KRI1: variants seen among roughly 807,000 people sequenced by gnomAD.
KRI1 encodes KRI1 homolog.
In KRI1, 83 loss-of-function variants were observed where a neutral mutation model predicts 97.0. The observed-to-expected ratio is 0.86, with a 90% CI of 0.72 to 1.03. The LOEUF (loss-of-function observed/expected upper bound fraction) is 1.03, where lower values mean the gene tolerates loss of function less well. Among genes scored for constraint, KRI1 ranks in the 50% least tolerant of loss-of-function variants. KRI1 has a pLI of 0.00. For synonymous variants in KRI1, 371 were observed against 363.5 expected (o/e 1.02, Z -0.23); for missense variants, 916 against 928.4 (o/e 0.99, Z 0.17).
At position 10,560,370 on chromosome 19, in the gene KRI1, G is replaced by A. The variant is rs775024147; in HGVS notation, c.742C>T (p.Arg248Cys). The A allele has an allele frequency of 1.4e-5, 23 of 1,613,106 alleles. No homozygotes were observed. The highest frequency in any genetic ancestry group is 2.2e-5 in the East Asian group (1 of 44,878). ...TCCTCCTCTTCCTCCTCCTCATAGC[G>A]TTTGTTGAGGATGTAATCCCGCAGG... ...RFLRDYILNK[R>C]YEEEEEEEED... The change falls in exon 9 of 19, where the codon CGC (arginine) becomes TGC (cysteine). Residue 248 changes from arginine (R) to cysteine (C), a missense_variant. Physicochemically the swap from Arg to Cys is radical, Grantham distance 180. Transcript: ENST00000312962.
chr19:10,561,230 T>C lies in KRI1; in HGVS notation c.524A>G (p.Asp175Gly), dbSNP rs1191040642. ...ACTGGAGCCGCCCTCCCCAGCGCCG[T>C]CCTCGTCCTCACTGTCCTCCACAAA... is the stretch of plus-strand genomic sequence containing the variant. ...RAFVEDSEDE[D>G]GAGEGGSSLL... Residue 175 changes from aspartate to glycine, a missense_variant, in exon 7 of 19, where the codon GAC (aspartate) becomes GGC (glycine). Asp to Gly is a moderately conservative substitution (Grantham distance 94). This residue lies in a region of KRI1 where 71 missense variants were observed against 108.1 expected (regional missense o/e 0.66). Coordinates refer to ENST00000312962, the MANE Select transcript of KRI1 (RefSeq NM_023008.5). The C allele has an allele frequency of 6.2e-7, 1 of 1,613,906 alleles. No homozygotes were observed. The highest frequency in any genetic ancestry group is 8.5e-7 in the Non-Finnish European group (1 of 1,180,018).
chr19:10,553,721 A>G lies in KRI1; in HGVS notation c.*230T>C. 1.9e-6 allele frequency: 1 copy of G among 514,874 alleles called. No individual in the cohort carries two copies. The highest frequency in any genetic ancestry group is 3.3e-5 in the East Asian group (1 of 30,516). 31.9% of individuals were successfully genotyped at this position (514,874 alleles called of 1,614,324 possible). The stretch of plus-strand genomic sequence containing the variant: ...CTCCTGAGTAGCTGGGACTACAGGC[A>G]TGTGTCACCACATTTTGTAGAGATG... On this transcript the variant is annotated 3_prime_UTR_variant, in exon 19 of 19. Transcript: ENST00000312962.
chr19:10,565,456 G>A (rs1049800003), intron 2 of KRI1: 37 of 556,290 alleles, frequency 6.7e-5, no homozygotes, highest in Non-Finnish European at 9.4e-5. Flanking sequence ...AGAGGAAAGG[G>A]GGGGTTCTTG....
Position 10,558,258 on chromosome 19 carries a change from C to T in KRI1, c.1195-19G>A, listed in dbSNP as rs771152897. On this transcript the variant is annotated intron_variant, in intron 12 of 18. Coordinates refer to ENST00000312962, the MANE Select transcript of KRI1 (RefSeq NM_023008.5). ...AGCACTTCTGCAGGGTCAGGGCTGG[C>T]GGTTACCAGAGCCCACTCGAGACAT... 6 of 1,613,300 alleles carry T rather than the reference C, an allele frequency of 3.7e-6. No homozygotes were observed. The highest frequency in any genetic ancestry group is 1.7e-4 in the Middle Eastern group (1 of 6,060).
Position 10,554,156 on chromosome 19 carries a change from G to T in KRI1, c.1907C>A (p.Ala636Asp). ...TGGCTTCTTGTGGGGTGATACAGGG[G>T]CTTCCTCTTCCTGTGCTGGGGGACT... ...PESPPAQEEE[A>D]PVSPHKKPAP... is the part of the protein sequence containing the mutation. Residue 636 changes from alanine (A) to aspartate (D), a missense_variant, in exon 19 of 19, where the codon GCC (alanine) becomes GAC (aspartate). Ala to Asp is a moderately radical substitution (Grantham distance 126, BLOSUM62 -2). Around this residue, in one of 3 missense-constraint regions of KRI1, gnomAD observed 672 missense variants for 667.2 expected, o/e 1.01. Coordinates refer to ENST00000312962, the MANE Select transcript of KRI1 (RefSeq NM_023008.5). 2 of 1,613,954 alleles carry T rather than the reference G, an allele frequency of 1.2e-6. No homozygotes were observed. The highest frequency in any genetic ancestry group is 1.3e-5 in the African/African-American group (1 of 75,034).
chr19:10,563,336 G>A (rs1352608324), intron 3 of KRI1, among the ~76,000 whole-genome samples: 5 of 149,262 alleles, frequency 3.3e-5, no homozygotes, highest in Admixed American at 2.0e-4. Flanking sequence ...GATTACAGGC[G>A]TGAGCCACCG....
intron 16 of KRI1, 23 bp downstream of exon 16, chr19:10,557,529 C>A: frequency 6.2e-7 from 1 of 1,609,510 alleles, no homozygotes; most frequent in Non-Finnish European, 8.5e-7. Context: ...CCTGCAGTGT[C>A]CCTGCCTGCC....
intron 4 of KRI1, among the ~76,000 whole-genome samples, chr19:10,562,451 G>A (rs1303719776): frequency 6.6e-6 from 1 of 151,970 alleles, no homozygotes; most frequent in African/African-American, 2.4e-5. Flanking sequence ...CAATCCTCCT[G>A]CCTCAGCCTC....
intron 9 of KRI1, 97 bp downstream of exon 9, chr19:10,560,215 A>G: frequency 6.9e-7 from 1 of 1,456,338 alleles, no homozygotes; most frequent in East Asian, 2.4e-5. Context: ...TGAAAAAAAT[A>G]CACACATGGT....
intron 12 of KRI1, among the ~76,000 whole-genome samples, chr19:10,558,854 G>A (rs965801038): frequency 4.7e-5 from 7 of 150,444 alleles, no homozygotes; most frequent in South Asian, 2.1e-4. Context: ...AGAGGTGCAC[G>A]CCACTACACC....
chr19:10,560,946 T>G (rs761325319), intron 8 of KRI1, 57 bp downstream of exon 8: 2 of 1,327,794 alleles, frequency 1.5e-6, no homozygotes, highest in South Asian at 1.2e-5. Flanking sequence ...TGTAAATAGG[T>G]TGGATGGACG....
chr19:10,558,498 C>CT (rs1916590746), intron 12 of KRI1, among the ~76,000 whole-genome samples: 1 of 152,132 alleles, frequency 6.6e-6, no homozygotes, highest in African/African-American at 2.4e-5. Context: ...TCCTACCCAC[C>CT]TTCGCCCCTG....
rs1049377139 is a variant in KRI1 at position 10,559,885 on chromosome 19, C to T, written c.852G>A (p.Gly284=). Residue 284 remains glycine, a synonymous_variant, in exon 10 of 19, where the codon GGG becomes GGA. Coordinates refer to ENST00000312962, the MANE Select transcript of KRI1 (RefSeq NM_023008.5). ...CCTCCTGTTTCTTCAGAAACAGCTC[C>T]CCTTCGTCTGAGGAGTCGTCCACAG... ...QLAVDDSSDE[G]ELFLKKQEDF... 4 of 1,613,596 alleles carry T rather than the reference C, an allele frequency of 2.5e-6. No individual in the cohort carries two copies. The highest frequency in any genetic ancestry group is 2.7e-5 in the African/African-American group (2 of 75,040).
intron 8 of KRI1, 99 bp from the exon 9 acceptor site, chr19:10,560,547 T>C (rs1916664149): frequency 1.2e-6 from 1 of 845,394 alleles, no homozygotes; most frequent in African/African-American, 1.7e-5. Context: ...CTGGAGTAGG[T>C]GACATTAGCC....
In KRI1 at chr19:10,557,908, A is replaced by ATCTGC. The variant is rs1468631647; in HGVS notation, c.1360-14_1360-13insGCAGA. 1.2e-6 allele frequency: 2 copies of ATCTGC among 1,613,642 alleles called. No individual in the cohort carries two copies. The highest frequency in any genetic ancestry group is 1.7e-6 in the Non-Finnish European group (2 of 1,179,936). On this transcript the variant is annotated splice_polypyrimidine_tract_variant and intron_variant, in intron 14 of 18. Coordinates refer to ENST00000312962, the MANE Select transcript of KRI1 (RefSeq NM_023008.5). Reference sequence around the variant, plus strand: ...AGTCGGCGTCCATCTGCCAGGACGCACAGGTCAGATCCCACCAGCCCCCCG... The same window carrying ATCTGC: ...AGTCGGCGTCCATCTGCCAGGACGCATCTGCCAGGTCAGATCCCACCAGCCCCCCG...
intron 18 of KRI1, 89 bp from the exon 19 acceptor site, chr19:10,554,370 G>A (rs1447142301): frequency 2.4e-5 from 29 of 1,190,972 alleles, no homozygotes; most frequent in Non-Finnish European, 3.3e-5. Flanking sequence ...GACAGGGAAA[G>A]GAGGGGCATA....
chr19:10,559,717 A>G lies in KRI1; in HGVS notation c.928-9T>C, dbSNP rs556885756. 13 of 1,614,020 alleles carry G rather than the reference A, an allele frequency of 8.1e-6. No homozygotes were observed. The highest frequency in any genetic ancestry group is 6.7e-5 in the African/African-American group (5 of 74,998). On this transcript the variant is annotated splice_polypyrimidine_tract_variant and intron_variant, in intron 10 of 18. Transcript: ENST00000312962. Reference sequence around the variant, plus strand: ...CGTGGGTAGGTCTTGACCTAGGCGCAATCAGAAAAGCCCACAAGGGCCGCA... The same window carrying G: ...CGTGGGTAGGTCTTGACCTAGGCGCGATCAGAAAAGCCCACAAGGGCCGCA...
rs996180477 is a variant in KRI1, at chr19:10,553,452, G to T, written c.*499C>A. Reference sequence around the variant, plus strand: ...GTGGCTGGGCGCAGCGTTCTGAGGGGATGTGGGGTCTGGGAGGTGTCTCGA... The same window carrying T: ...GTGGCTGGGCGCAGCGTTCTGAGGGTATGTGGGGTCTGGGAGGTGTCTCGA... On this transcript the variant is annotated 3_prime_UTR_variant, in exon 19 of 19. Coordinates refer to ENST00000312962, the MANE Select transcript of KRI1 (RefSeq NM_023008.5). 1.5e-5 allele frequency: 3 copies of T among 205,858 alleles called. No individual in the cohort carries two copies. The highest frequency in any genetic ancestry group is 6.9e-5 in the African/African-American group (3 of 43,410). The allele number at this position is 205,858 out of a possible 1,614,324, so 12.8% of individuals were successfully genotyped here. A position where few individuals can be genotyped will look rare whatever the true frequency, so the allele number is the denominator to read the frequency against.
chr19:10,559,890 C>T lies in KRI1; in HGVS notation c.847G>A (p.Glu283Lys), dbSNP rs762813805. 3.7e-6 allele frequency: 6 copies of T among 1,613,338 alleles called. No individual in the cohort carries two copies. In the Middle Eastern group the frequency reaches 5.0e-4, roughly 135 times the overall value. ...TGTTTCTTCAGAAACAGCTCCCCTT[C>T]GTCTGAGGAGTCGTCCACAGCCAGC... The part of the protein sequence containing the change: ...VQLAVDDSSD[E>K]GELFLKKQED... Residue 283 changes from glutamate to lysine, a missense_variant, in exon 10 of 19, where the codon GAA becomes AAA. This residue lies in a region of KRI1 where 672 missense variants were observed against 667.2 expected (regional missense o/e 1.01). Coordinates refer to ENST00000312962, the MANE Select transcript of KRI1 (RefSeq NM_023008.5).
Sources: gnomAD v4.1 joint callset for allele counts (sites outside exome capture counted in the v4.1 genomes callset) on GRCh38, gnomAD v4.1.1 for gene constraint, gnomAD v4.1.1 regional missense constraint, MANE v1.5 for transcripts, NCBI Gene and HGNC (gene_info 2026-07-23, HGNC 2026-07-21) for gene names.